TCERG1: variants seen among roughly 807,000 people sequenced by gnomAD.
The protein encoded by TCERG1 is transcription elongation regulator 1.
TCERG1 carries 37 observed loss-of-function variants against 144.7 expected under a neutral mutation model. The observed-to-expected ratio is 0.26, with a 90% confidence interval of 0.20 to 0.34. The LOEUF (loss-of-function observed/expected upper bound fraction) is 0.34. Ranked by LOEUF, TCERG1 falls within the 10% of genes least tolerant of loss-of-function variation. TCERG1 has a pLI of 1.00. For missense variants in TCERG1, 1,027 were observed against 1,380.7 expected (o/e 0.74, Z 4.06); for synonymous variants, 492 against 458.2 (o/e 1.07, Z -0.94).
At chr5:146,452,697 C>A (rs1035114446) in intron 1 of TCERG1, among the ~76,000 whole-genome samples, 1 of 152,200 alleles carries the variant, frequency 6.6e-6, no homozygotes, top group Non-Finnish European at 1.5e-5. Context: ...TCAAGCAATT[C>A]TTCTGCTTCC....
Position 146,507,832 on chromosome 5 carries a change from A to T in TCERG1, c.2962-41A>T, listed in dbSNP as rs756062949. 1 of 1,449,338 alleles carries T rather than the reference A, an allele frequency of 6.9e-7. No homozygotes were observed. The highest frequency in any genetic ancestry group is 1.4e-5 in the African/African-American group (1 of 71,086). The allele number at this position is 1,449,338 out of a possible 1,614,324, so 89.8% of individuals were successfully genotyped here. A position where few individuals can be genotyped will look rare whatever the true frequency, so the allele number is the denominator to read the frequency against. On this transcript the variant is annotated intron_variant, in intron 20 of 22. Transcript: ENST00000679501. This position sits in a 1 kb window ranked among gnomAD's most constrained non-coding sequence, Gnocchi z 4.6. ...GCTGCAGTTTGACTCCCTAAGTAAA[A>T]GTGAGTTGTATTTATGTTTTTTATT...
At chr5:146,462,635 A>T (rs1561645090) in intron 4 of TCERG1, among the ~76,000 whole-genome samples, 1 of 152,100 alleles carries the variant, frequency 6.6e-6, no homozygotes, top group Non-Finnish European at 1.5e-5. Context: ...AAAAAATTTT[A>T]TTTTTTTAAA....
intron 12 of TCERG1, chr5:146,480,584 T>C (rs1056894): frequency 0.24 from 37,384 of 153,126 alleles, 5,684 homozygotes; most frequent in East Asian, 0.83. Flanking sequence ...GGCATTAGCT[T>C]GGCCAGTGCT....
chr5:146,509,647 G>T (rs1768299880), intron 22 of TCERG1, among the ~76,000 whole-genome samples: 2 of 152,048 alleles, frequency 1.3e-5, no homozygotes, highest in East Asian at 1.9e-4. Flanking sequence ...TCTAAAGCAT[G>T]AAATCATCTA....
intron 5 of TCERG1, among the ~76,000 whole-genome samples, chr5:146,465,505 A>G (rs1297122178): frequency 3.3e-5 from 5 of 152,208 alleles, no homozygotes; most frequent in South Asian, 2.1e-4. Context: ...TCCCCAAAAT[A>G]TGATGACATA....
chr5:146,507,746 C>T lies in TCERG1; in HGVS notation c.2962-127C>T, dbSNP rs1248482495. 4 of 570,162 alleles carry T rather than the reference C, an allele frequency of 7.0e-6. No homozygotes were observed. Among genetic ancestry groups the T allele is most frequent in the African/African-American group, 3.9e-5 (2 of 51,856 alleles). 35.3% of individuals were successfully genotyped at this position (570,162 alleles called of 1,614,324 possible). A position where few individuals can be genotyped will look rare whatever the true frequency, so the allele number is the denominator to read the frequency against. ...CGCTGCTTCCCTGTCCCTAACTAGT[C>T]CAGTTACGCTTGGGCATTACAAGAG... is the stretch of plus-strand genomic sequence containing the variant. On this transcript the variant is annotated intron_variant, in intron 20 of 22. Transcript: ENST00000679501. This position sits in a 1 kb window ranked among gnomAD's most constrained non-coding sequence, Gnocchi z 4.6.
In TCERG1 at chr5:146,480,925, A is replaced by G. The variant is rs191336020; in HGVS notation, c.1887-225A>G. The stretch of plus-strand genomic sequence containing the variant: ...TTTGCAATTGACTTTTTAGTTCTTG[A>G]CCAAATGTAATTTTTATTAGTTGTG... On this transcript the variant is annotated intron_variant, in intron 12 of 22. Coordinates refer to ENST00000679501, the MANE Select transcript of TCERG1 (RefSeq NM_001382548.1). Among the ~76,000 whole-genome samples the G allele has an allele frequency of 3.4e-4, 51 of 151,876 alleles. No homozygotes were observed. In the East Asian group the frequency reaches 9.7e-3, roughly 29 times the overall value.
In TCERG1 at chr5:146,468,349, A is replaced by G; in HGVS notation, c.1144A>G (p.Met382Val). ...GCTTATCCATTTTACAGGTGTAGCA[A>G]TGATGCAAATAGTCAGCTGCCCGTA... Reference protein sequence around the residue: ...GMPIPLPGVAMMQIVSCPYVK... With the variant: ...GMPIPLPGVAVMQIVSCPYVK... The change falls in exon 6 of 23, where the codon ATG becomes GTG. Residue 382 changes from methionine (M) to valine (V), a missense_variant. Coordinates refer to ENST00000679501, the MANE Select transcript of TCERG1 (RefSeq NM_001382548.1). The G allele has an allele frequency of 6.2e-7, 1 of 1,609,492 alleles. No individual in the cohort carries two copies. The highest frequency in any genetic ancestry group is 8.5e-7 in the Non-Finnish European group (1 of 1,177,848).
intron 4 of TCERG1, among the ~76,000 whole-genome samples, chr5:146,460,910 G>C (rs1763277258): frequency 6.6e-6 from 1 of 152,158 alleles, no homozygotes; most frequent in Non-Finnish European, 1.5e-5. Context: ...TCTGTGGCAA[G>C]GCAGGAGACT....
chr5:146,480,200 G>A (rs2288812), intron 12 of TCERG1, 106 bp downstream of exon 12: 194,423 of 794,680 alleles, frequency 0.24, 32,620 homozygotes, highest in East Asian at 0.85. Context: ...TTGTTAGGAG[G>A]CATGATTGCT....
intron 9 of TCERG1, among the ~76,000 whole-genome samples, chr5:146,472,186 C>T (rs897895450): frequency 2.0e-5 from 3 of 152,076 alleles, no homozygotes; most frequent in South Asian, 2.1e-4. Context: ...ACTCACTATG[C>T]GATTACATTT....
intron 1 of TCERG1, among the ~76,000 whole-genome samples, chr5:146,452,274 A>C (rs1199104448): frequency 2.0e-5 from 3 of 150,854 alleles, no homozygotes; most frequent in Non-Finnish European, 4.4e-5. Context: ...TATAATTGTT[A>C]ATTCCTCTCT....
At position 146,510,452 on chromosome 5, in the gene TCERG1, T is replaced by G. The variant is rs1319240360; in HGVS notation, c.3158T>G (p.Leu1053Ter). The change falls in exon 23 of 23, where the codon TTA (leucine) becomes TGA (stop). Residue 1053 changes from leucine (L) to a stop codon, truncating the protein, a stop_gained. Coordinates refer to ENST00000679501, the MANE Select transcript of TCERG1 (RefSeq NM_001382548.1). LOFTEE classifies it high-confidence loss of function. The part of the protein sequence containing the change: ...TKFITYRSKK[L>*]IQESDQHLKD... ...TTTTCTTATTTCAGATCCAAAAAAT[T>G]AATCCAAGAATCAGATCAGCACCTG... is the stretch of plus-strand genomic sequence containing the variant. 6.2e-7 allele frequency: 1 copy of G among 1,612,560 alleles called. No homozygotes were observed. The highest frequency in any genetic ancestry group is 8.5e-7 in the Non-Finnish European group (1 of 1,178,902).
At chr5:146,475,683 C>T (rs992637647) in intron 9 of TCERG1, among the ~76,000 whole-genome samples, 1 of 152,160 alleles carries the variant, frequency 6.6e-6, no homozygotes, top group African/African-American at 2.4e-5. Context: ...ATATAAATCC[C>T]ACAAGCTTAG....
chr5:146,509,077 A>G, intron 21 of TCERG1, 68 bp from the exon 22 acceptor site: 2 of 846,054 alleles, frequency 2.4e-6, no homozygotes, highest in Admixed American at 5.3e-5. Flanking sequence ...TTAATAAATA[A>G]TTGATGTTTA....
chr5:146,482,567 A>ATGTC, intron 13 of TCERG1, 25 bp from the exon 14 acceptor site: 1 of 1,573,268 alleles, frequency 6.4e-7, no homozygotes, highest in Non-Finnish European at 8.6e-7. Flanking sequence ...TTGTCAGTTG[A>ATGTC]TGTCTTATAT....
intron 17 of TCERG1, among the ~76,000 whole-genome samples, chr5:146,502,487 A>G (rs1175138132): frequency 1.3e-5 from 2 of 152,222 alleles, no homozygotes; most frequent in Non-Finnish European, 2.9e-5. Context: ...CATAAAAATA[A>G]CTATCTCATT....
intron 14 of TCERG1, 144 bp downstream of exon 14, chr5:146,482,871 A>T (rs1765485825): frequency 1.7e-6 from 2 of 1,182,128 alleles, no homozygotes; most frequent in Admixed American, 3.5e-5. Context: ...ATTTTTTGCA[A>T]CAGCCTTTTT....
At chr5:146,470,541 C>T in intron 7 of TCERG1, 95 bp from the exon 8 acceptor site, 1 of 982,424 alleles carries the variant, frequency 1.0e-6, no homozygotes, top group Non-Finnish European at 1.5e-6. Flanking sequence ...ATGGTTAATA[C>T]TTGGGAATGG....
Sources: allele counts gnomAD v4.1 joint callset (sites outside exome capture counted in the v4.1 genomes callset), GRCh38; gene constraint gnomAD v4.1.1; non-coding constraint Gnocchi (gnomAD v3.1); transcripts MANE v1.5; gene names NCBI Gene and HGNC (gene_info 2026-07-23, HGNC 2026-07-21).